MAN2A1: variants seen among roughly 807,000 people sequenced by gnomAD.
MAN2A1 encodes alpha-mannosidase 2.
Under a neutral mutation model 142.6 loss-of-function variants are expected in MAN2A1, and 76 were observed. The observed-to-expected ratio is 0.53, with a 90% CI of 0.44 to 0.65. MAN2A1 has a LOEUF of 0.65. Ranked by LOEUF, MAN2A1 falls within the 30% of genes least tolerant of loss-of-function variation. The probability of loss-of-function intolerance (pLI) is 0.00; values close to 1 mark genes in which losing one functional copy is unlikely to be tolerated. For synonymous variants in MAN2A1, 559 were observed against 473.2 expected, an observed-to-expected ratio of 1.18 and a Z score of -2.35; for missense variants, 1,311 against 1,365.1, an observed-to-expected ratio of 0.96 and a Z score of 0.62.
chr5:109,864,598 G>A (rs1455653453), intron 20 of MAN2A1: 1 of 153,702 alleles, frequency 6.5e-6, no homozygotes, highest in African/African-American at 2.4e-5. Flanking sequence ...AAAGAAGCAT[G>A]TGTGACTTTT....
At chr5:109,706,241 A>G (rs1222082702) in intron 1 of MAN2A1, among the ~76,000 whole-genome samples, 1 of 152,208 alleles carries the variant, frequency 6.6e-6, no homozygotes, top group African/African-American at 2.4e-5. Flanking sequence ...ATAGCCAGTA[A>G]GTAGTGGTGC....
chr5:109,845,517 T>C (rs771622877), intron 17 of MAN2A1, among the ~76,000 whole-genome samples: 1 of 152,184 alleles, frequency 6.6e-6, no homozygotes, highest in Non-Finnish European at 1.5e-5. Flanking sequence ...AAGCAGTTTG[T>C]TAGATTTAGA....
intron 12 of MAN2A1, among the ~76,000 whole-genome samples, chr5:109,808,704 T>C (rs950326285): frequency 4.9e-5 from 1 of 20,584 alleles, no homozygotes; most frequent in South Asian, 8.7e-4. Context: ...TTACACTAAT[T>C]TTTTTTTTTT....
intron 7 of MAN2A1, among the ~76,000 whole-genome samples, chr5:109,773,090 T>TGCAAA (rs1753192452): frequency 6.6e-6 from 1 of 152,190 alleles, no homozygotes; most frequent in Non-Finnish European, 1.5e-5. Flanking sequence ...CATCTGTATG[T>TGCAAA]TTTCAAATGT....
Position 109,847,722 on chromosome 5 carries a change from A to T in MAN2A1, c.2908A>T (p.Ile970Phe). ...QDDNRGLEQG[I>F]QDNKITANLF... ...TGATAATCGTGGCCTTGAGCAAGGT[A>T]TCCAGGATAACAAGATTACAGCTAA... is the stretch of plus-strand genomic sequence containing the variant. Residue 970 changes from isoleucine (I) to phenylalanine (F), a missense_variant, in exon 19 of 22, where the codon ATC becomes TTC. Transcript: ENST00000261483. 1.9e-6 allele frequency: 3 copies of T among 1,603,198 alleles called. No homozygotes were observed. Among genetic ancestry groups the T allele is most frequent in the Non-Finnish European group, 2.6e-6 (3 of 1,175,022 alleles).
At chr5:109,806,178 G>C (rs960905292) in intron 12 of MAN2A1, among the ~76,000 whole-genome samples, 29 of 152,154 alleles carry the variant, frequency 1.9e-4, no homozygotes, top group African/African-American at 6.8e-4. Context: ...TCTAGTTGCT[G>C]CATCAGTGCT....
intron 5 of MAN2A1, among the ~76,000 whole-genome samples, chr5:109,763,799 T>C (rs560710784): frequency 6.6e-6 from 1 of 151,838 alleles, no homozygotes; most frequent in Non-Finnish European, 1.5e-5. Flanking sequence ...AATTGACCAT[T>C]ATAACTTTTT....
intron 4 of MAN2A1, among the ~76,000 whole-genome samples, chr5:109,754,997 G>C (rs1035165507): frequency 6.6e-6 from 1 of 152,150 alleles, no homozygotes; most frequent in East Asian, 1.9e-4. Flanking sequence ...GTGAAACTCT[G>C]TCTCAAATAA....
intron 1 of MAN2A1, among the ~76,000 whole-genome samples, chr5:109,697,958 C>T (rs1195161086): frequency 1.3e-5 from 2 of 152,144 alleles, no homozygotes; most frequent in South Asian, 2.1e-4. Context: ...GCTAGAGCAT[C>T]GACATGCTTG....
intron 4 of MAN2A1, among the ~76,000 whole-genome samples, chr5:109,752,429 A>C (rs1441574607): frequency 6.6e-6 from 1 of 152,246 alleles, no homozygotes; most frequent in African/African-American, 2.4e-5. Flanking sequence ...CTGCCAAGCA[A>C]GCTTCTGAGT....
intron 3 of MAN2A1, 113 bp from the exon 4 acceptor site, chr5:109,729,227 AAT>A: frequency 5.0e-6 from 3 of 599,774 alleles, no homozygotes. Context: ...TAAATTTAAA[AAT>A]ATGTCTATGA....
chr5:109,860,748 T>C (rs1755734530), intron 20 of MAN2A1, among the ~76,000 whole-genome samples: 1 of 152,202 alleles, frequency 6.6e-6, no homozygotes, highest in Non-Finnish European at 1.5e-5. Context: ...TCAGAATGGC[T>C]CAAATCCTAT....
chr5:109,831,163 A>T (rs1284591940), intron 16 of MAN2A1, among the ~76,000 whole-genome samples: 1 of 152,244 alleles, frequency 6.6e-6, no homozygotes, highest in African/African-American at 2.4e-5. Context: ...CTTTGGTTTT[A>T]TCATCCTGAA....
Position 109,819,693 on chromosome 5 carries a change from C to T in MAN2A1, c.2134C>T (p.Pro712Ser). The change falls in exon 14 of 22, where the codon CCA becomes TCA. Residue 712 changes from proline (P) to serine (S), a missense_variant. Physicochemically the swap from Pro to Ser is moderately conservative, Grantham distance 74. Coordinates refer to ENST00000261483, the MANE Select transcript of MAN2A1 (RefSeq NM_002372.4). ...YEISFRAHIP[P>S]LGLKVYKILE... is the part of the protein sequence containing the mutation. ...GATCTCTTTTCGAGCACATATACCG[C>T]CATTGGGACTGAAAGTGTATAAGAT... is the stretch of plus-strand genomic sequence containing the variant. 1 of 1,605,520 alleles carries T rather than the reference C, an allele frequency of 6.2e-7. No individual in the cohort carries two copies. Among genetic ancestry groups the T allele is most frequent in the Non-Finnish European group, 8.5e-7 (1 of 1,175,996 alleles).
At chr5:109,768,543 G>C (rs1249701372) in intron 6 of MAN2A1, among the ~76,000 whole-genome samples, 2 of 152,134 alleles carry the variant, frequency 1.3e-5, no homozygotes, top group African/African-American at 4.8e-5. Flanking sequence ...CTGTCATTGT[G>C]TTCTCAGTAA....
chr5:109,774,458 T>C (rs1185181670), intron 7 of MAN2A1, among the ~76,000 whole-genome samples: 3 of 152,116 alleles, frequency 2.0e-5, no homozygotes, highest in Non-Finnish European at 4.4e-5. Context: ...TCTCTGTGGC[T>C]GGGCTTTAGG....
intron 1 of MAN2A1, among the ~76,000 whole-genome samples, chr5:109,710,499 A>G (rs982823337): frequency 6.6e-5 from 10 of 152,042 alleles, no homozygotes; most frequent in African/African-American, 2.2e-4. Flanking sequence ...AGTATAAGAT[A>G]AAATGTGGTA....
chr5:109,767,532 C>T lies in MAN2A1; in HGVS notation c.836-3C>T. On this transcript the variant is annotated splice_region_variant and splice_polypyrimidine_tract_variant and intron_variant, in intron 5 of 21. Coordinates refer to ENST00000261483, the MANE Select transcript of MAN2A1 (RefSeq NM_002372.4). ...AATTAACACTTATCATCTTTATCCA[C>T]AGGAGTGAAACCTCGGTCCGGCTGG... 6.2e-7 allele frequency: 1 copy of T among 1,609,218 alleles called. No homozygotes were observed. The highest frequency in any genetic ancestry group is 8.5e-7 in the Non-Finnish European group (1 of 1,178,328).
At chr5:109,690,608 G>T (rs1047389593) in intron 1 of MAN2A1, 56 bp downstream of exon 1, 11 of 1,534,828 alleles carry the variant, frequency 7.2e-6, no homozygotes, top group Admixed American at 2.0e-5. Context: ...GCGGGCCCCT[G>T]GTTAGCGGCT....
Sources: gnomAD v4.1 joint callset for allele counts (sites outside exome capture counted in the v4.1 genomes callset) on GRCh38, gnomAD v4.1.1 for gene constraint, MANE v1.5 for transcripts, NCBI Gene and HGNC (gene_info 2026-07-23, HGNC 2026-07-21) for gene names.